PSMA3: variants seen among roughly 807,000 people sequenced by gnomAD.
The protein encoded by PSMA3 is proteasome 20S subunit alpha 3.
A neutral mutation model predicts 40.0 loss-of-function variants in PSMA3; 8 were observed. The ratio of observed to expected loss-of-function variants is 0.20; its 90% CI spans 0.12 to 0.36. PSMA3 has a LOEUF of 0.36. Among genes scored for constraint, PSMA3 ranks in the 10% least tolerant of loss-of-function variants. The pLI is 1.00. For missense variants in PSMA3, 219 were observed against 310.6 expected (o/e 0.70, Z 2.22); for synonymous variants, 110 against 100.0 (o/e 1.10, Z -0.59).
At chr14:58,262,283 G>A (rs761584647) in intron 6 of PSMA3, among the ~76,000 whole-genome samples, 2 of 152,018 alleles carry the variant, frequency 1.3e-5, no homozygotes, top group Non-Finnish European at 2.9e-5. Flanking sequence ...GTGCAGTGGC[G>A]CCAAACCTCC....
At chr14:58,249,966 C>T (rs1406587419) in intron 2 of PSMA3, among the ~76,000 whole-genome samples, 1 of 152,094 alleles carries the variant, frequency 6.6e-6, no homozygotes, top group African/African-American at 2.4e-5. Context: ...CGCCTGTAAT[C>T]CTAGCACTTT....
At chr14:58,258,691 G>A (rs758541401) in intron 5 of PSMA3, among the ~76,000 whole-genome samples, 5 of 151,464 alleles carry the variant, frequency 3.3e-5, no homozygotes, top group Non-Finnish European at 5.9e-5. Context: ...ATAAAGACCT[G>A]GAATAGGTAT....
At chr14:58,249,974 T>A (rs1385661771) in intron 2 of PSMA3, among the ~76,000 whole-genome samples, 4 of 152,090 alleles carry the variant, frequency 2.6e-5, no homozygotes, top group African/African-American at 9.7e-5. Flanking sequence ...ATCCTAGCAC[T>A]TTGGGAGGCT....
At chr14:58,265,038 A>G (rs1360103817) in intron 7 of PSMA3, 1 of 152,150 alleles carries the variant, frequency 6.6e-6, no homozygotes. Context: ...AGTTGGGAGG[A>G]CTGCTTGAGC....
chr14:58,270,535 G>A (rs1452552906), intron 9 of PSMA3, 50 bp downstream of exon 9: 1 of 1,608,856 alleles, frequency 6.2e-7, no homozygotes, highest in African/African-American at 1.3e-5. Flanking sequence ...CTGTACCACA[G>A]CTAATTTACA....
Position 58,244,892 on chromosome 14 carries a change from T to A in PSMA3, c.-29T>A, listed in dbSNP as rs1034763707. On this transcript the variant is annotated 5_prime_UTR_variant, in exon 1 of 11. Coordinates refer to ENST00000216455, the MANE Select transcript of PSMA3 (RefSeq NM_002788.4). ...TAGGGGAAGCGCTCCGGGCCTGGAA[T>A]CCCTACGCGTCCCTTTGGGTTTAGC... 6.2e-7 allele frequency: 1 copy of A among 1,614,186 alleles called. No individual in the cohort carries two copies. Among genetic ancestry groups the A allele is most frequent in the East Asian group, 2.2e-5 (1 of 44,880 alleles).
chr14:58,270,361 G>T, intron 8 of PSMA3, 57 bp from the exon 9 acceptor site: 3 of 1,602,932 alleles, frequency 1.9e-6, no homozygotes, highest in Admixed American at 3.4e-5. Context: ...TTGGGTCTGT[G>T]AACTACTTCA....
chr14:58,268,638 TATC>T (rs1219742907), intron 8 of PSMA3: 1 of 152,242 alleles, frequency 6.6e-6, no homozygotes, highest in Non-Finnish European at 1.5e-5. Context: ...TATAGTATGT[TATC>T]ATGATATACT....
chr14:58,263,869 T>TGA, intron 7 of PSMA3, 99 bp downstream of exon 7: 4 of 1,092,968 alleles, frequency 3.7e-6, no homozygotes, highest in Non-Finnish European at 5.6e-6. Context: ...TGTCCAATCA[T>TGA]TTGGCTTCCC....
Position 58,244,881 on chromosome 14 carries a change from C to G in PSMA3, c.-40C>G, listed in dbSNP as rs754333531. ...ATCCTGTGGTATAGGGGAAGCGCTCCGGGCCTGGAATCCCTACGCGTCCCT... is the reference window on the plus strand; with the variant it reads ...ATCCTGTGGTATAGGGGAAGCGCTCGGGGCCTGGAATCCCTACGCGTCCCT... On this transcript the variant is annotated 5_prime_UTR_variant, in exon 1 of 11. Coordinates refer to ENST00000216455, the MANE Select transcript of PSMA3 (RefSeq NM_002788.4). The G allele has an allele frequency of 6.2e-7, 1 of 1,614,142 alleles. No homozygotes were observed.
At chr14:58,262,196 A>C (rs1362180575) in intron 6 of PSMA3, among the ~76,000 whole-genome samples, 6 of 136,548 alleles carry the variant, frequency 4.4e-5, no homozygotes. Flanking sequence ...GCCAAAGTGC[A>C]AGGATTACAG....
At chr14:58,269,685 G>C (rs1044952321) in intron 8 of PSMA3, 1 of 151,842 alleles carries the variant, frequency 6.6e-6, no homozygotes, top group Non-Finnish European at 1.5e-5. Flanking sequence ...ACCCGCCTCT[G>C]CCTCCCCAAA....
chr14:58,255,959 A>G (rs1301038870), intron 3 of PSMA3, among the ~76,000 whole-genome samples: 1 of 152,072 alleles, frequency 6.6e-6, no homozygotes, highest in Non-Finnish European at 1.5e-5. Flanking sequence ...CCCGAGTTCA[A>G]GTGATTCTTG....
chr14:58,247,118 C>T (rs954232206), intron 1 of PSMA3, among the ~76,000 whole-genome samples: 4 of 152,186 alleles, frequency 2.6e-5, no homozygotes, highest in African/African-American at 9.7e-5. Context: ...TCCTTCATAT[C>T]TTAAATGGCT....
chr14:58,270,996 A>G lies in PSMA3; in HGVS notation c.721A>G (p.Lys241Glu). The G allele has an allele frequency of 6.2e-7, 1 of 1,604,686 alleles. No individual in the cohort carries two copies. Among genetic ancestry groups the G allele is most frequent in the Non-Finnish European group, 8.5e-7 (1 of 1,174,188 alleles). The change falls in exon 10 of 11, where the codon AAG becomes GAG. Residue 241 changes from lysine (K) to glutamate (E), a missense_variant and splice_region_variant. Physicochemically the swap from Lys to Glu is moderately conservative, Grantham distance 56. Coordinates refer to ENST00000216455, the MANE Select transcript of PSMA3 (RefSeq NM_002788.4). ...DIREEAEKYAKESLKEEDESD... is the reference protein window; with the variant it reads ...DIREEAEKYAEESLKEEDESD... Reference sequence around the variant, plus strand: ...AAGAGAAGAAGCAGAGAAATATGCTAAGGTAAGCCACAGCACAAAAACTTC... The same window carrying G: ...AAGAGAAGAAGCAGAGAAATATGCTGAGGTAAGCCACAGCACAAAAACTTC...
intron 3 of PSMA3, 79 bp downstream of exon 3, chr14:58,252,321 A>G: frequency 2.0e-6 from 3 of 1,497,226 alleles, no homozygotes; most frequent in Non-Finnish European, 1.8e-6. Context: ...ATCACTGTGC[A>G]GTCACAAAAG....
At chr14:58,265,714 AAAATGT>A (rs1342961196) in intron 7 of PSMA3, 1 of 152,256 alleles carries the variant, frequency 6.6e-6, no homozygotes, top group Middle Eastern at 3.2e-3. Flanking sequence ...TTTGCCATTT[AAAATGT>A]GCTTTTCAAG....
At chr14:58,262,949 A>AT (rs2140091557) in intron 6 of PSMA3, among the ~76,000 whole-genome samples, 1 of 148,104 alleles carries the variant, frequency 6.8e-6, no homozygotes, top group South Asian at 2.1e-4. Context: ...ATTCTTAAAT[A>AT]TATTTTGCTG....
chr14:58,267,835 T>C (rs1423406903), intron 8 of PSMA3: 1 of 190,468 alleles, frequency 5.3e-6, no homozygotes, highest in African/African-American at 2.4e-5. Context: ...ATAATAGTAA[T>C]CTTAAGATTG....
Sources: gnomAD v4.1 joint callset for allele counts (sites outside exome capture counted in the v4.1 genomes callset) on GRCh38, gnomAD v4.1.1 for gene constraint, MANE v1.5 for transcripts, NCBI Gene and HGNC (gene_info 2026-07-23, HGNC 2026-07-21) for gene names.